Variants in FHIT observed in about 807,000 individuals in gnomAD.
FHIT encodes the protein fragile histidine triad diadenosine triphosphatase, also known as bis(5'-adenosyl)-triphosphatase.
FHIT carries 19 observed loss-of-function variants against 17.9 expected under a neutral mutation model. The observed-to-expected ratio is 1.06, with a 90% CI of 0.74 to 1.56. FHIT has a LOEUF of 1.56. FHIT is among the 40% of genes most tolerant of loss of function. FHIT has a pLI of 0.00. For missense variants in FHIT, 248 were observed against 189.2 expected (o/e 1.31, Z -1.82); for synonymous variants, 81 against 69.7 (o/e 1.16, Z -0.81).
At chr3:59,954,881 A>G (rs1335387560) in intron 7 of FHIT, among the ~76,000 whole-genome samples, 1 of 152,232 alleles carries the variant, frequency 6.6e-6, no homozygotes, top group Non-Finnish European at 1.5e-5. Context: ...ATGAGAACTC[A>G]GAACTGTTCC....
chr3:60,950,758 A>G (rs887822787), intron 3 of FHIT, among the ~76,000 whole-genome samples: 11 of 151,660 alleles, frequency 7.3e-5, no homozygotes, highest in African/African-American at 2.7e-4. Context: ...CCTGACCTCA[A>G]GTGATCCACC....
intron 4 of FHIT, among the ~76,000 whole-genome samples, chr3:60,596,368 C>T (rs537209711): frequency 2.1e-4 from 32 of 152,250 alleles, no homozygotes; most frequent in Non-Finnish European, 3.5e-4. Flanking sequence ...TTGGCCTTGC[C>T]GACACTGCAC....
At chr3:60,264,824 C>T (rs781238452) in intron 5 of FHIT, among the ~76,000 whole-genome samples, 9 of 151,588 alleles carry the variant, frequency 5.9e-5, no homozygotes, top group Admixed American at 1.3e-4. Flanking sequence ...TGATGAAATG[C>T]GACTTTCACC....
At chr3:60,560,831 AC>A in intron 4 of FHIT, among the ~76,000 whole-genome samples, 1 of 136,532 alleles carries the variant, frequency 7.3e-6, no homozygotes, top group Non-Finnish European at 1.6e-5. Flanking sequence ...ACACACACAC[AC>A]ACACACACAC....
chr3:59,750,816 G>T (rs1002027574), intron 9 of FHIT: 4 of 208,326 alleles, frequency 1.9e-5, no homozygotes, highest in African/African-American at 6.8e-5. Context: ...ACATTTCAAG[G>T]TGAAATCAGA....
intron 5 of FHIT, among the ~76,000 whole-genome samples, chr3:60,531,755 A>C (rs2035795511): frequency 6.6e-6 from 1 of 152,244 alleles, no homozygotes; most frequent in African/African-American, 2.4e-5. Flanking sequence ...ACTGTTAAGT[A>C]ATGAAGCTAT....
chr3:60,569,746 T>TACAC (rs1559547661), intron 4 of FHIT, among the ~76,000 whole-genome samples: 201 of 81,634 alleles, frequency 2.5e-3, no homozygotes, highest in African/African-American at 8.3e-3. Context: ...TATATATATA[T>TACAC]ATATATATAT....
At chr3:60,501,038 T>C (rs1419270985) in intron 5 of FHIT, among the ~76,000 whole-genome samples, 1 of 147,076 alleles carries the variant, frequency 6.8e-6, no homozygotes, top group Non-Finnish European at 1.5e-5. Flanking sequence ...TAATAGCAAG[T>C]AACAGTCAAG....
At chr3:60,111,672 T>C (rs780754178) in intron 5 of FHIT, among the ~76,000 whole-genome samples, 1 of 152,212 alleles carries the variant, frequency 6.6e-6, no homozygotes, top group Admixed American at 6.5e-5. Flanking sequence ...GAACAGACTA[T>C]TGATTTACAA....
At chr3:59,922,774 T>C (rs778829600) in intron 7 of FHIT, among the ~76,000 whole-genome samples, 15 of 152,086 alleles carry the variant, frequency 9.9e-5, no homozygotes, top group Non-Finnish European at 1.5e-4. Context: ...GAAATAAGAA[T>C]TGGCTAACAG....
intron 4 of FHIT, among the ~76,000 whole-genome samples, chr3:60,570,812 T>G (rs965959622): frequency 9.4e-5 from 14 of 149,010 alleles, no homozygotes; most frequent in Non-Finnish European, 1.8e-4. Flanking sequence ...TTTGTTGGAC[T>G]GAACCAAAGC....
At chr3:60,098,876 G>A (rs1232405574) in intron 5 of FHIT, among the ~76,000 whole-genome samples, 1 of 152,140 alleles carries the variant, frequency 6.6e-6, no homozygotes, top group Non-Finnish European at 1.5e-5. Context: ...GTAGACTTTT[G>A]ACTGCCTGGG....
intron 1 of FHIT, among the ~76,000 whole-genome samples, chr3:61,220,066 T>TC (rs58675171): frequency 0.25 from 37,478 of 151,964 alleles, 5,149 homozygotes; most frequent in East Asian, 0.49. Context: ...CTTTAAGTCT[T>TC]TAACAATTAT....
At chr3:61,015,089 A>G (rs2032033631) in intron 3 of FHIT, among the ~76,000 whole-genome samples, 1 of 152,042 alleles carries the variant, frequency 6.6e-6, no homozygotes, top group Non-Finnish European at 1.5e-5. Flanking sequence ...CTTGGTGGTC[A>G]GCTGTCAGAG....
Position 61,014,806 on chromosome 3 carries a change from A to T in FHIT, c.-111+27241T>A, listed in dbSNP as rs376598820. On this transcript the variant is annotated intron_variant, in intron 3 of 9. Coordinates refer to ENST00000492590, the MANE Select transcript of FHIT (RefSeq NM_002012.4). ...AAAAAAAAAAAAAAAAAAAAAAAAA[A>T]AATATATATATATATATATGTATAC... Among the ~76,000 whole-genome samples the T allele has an allele frequency of 4.6e-5, 5 of 107,874 alleles. 1 individual carries two copies. The highest frequency in any genetic ancestry group is 1.7e-4 in the African/African-American group (5 of 29,692). The allele number at this position is 107,874 out of a possible 152,430, so 70.8% of individuals were successfully genotyped here.
intron 4 of FHIT, among the ~76,000 whole-genome samples, chr3:60,705,989 G>A (rs782007572): frequency 2.0e-5 from 3 of 152,178 alleles, no homozygotes; most frequent in East Asian, 1.9e-4. Context: ...CCATTGTCAT[G>A]GCATCTTTTA....
intron 5 of FHIT, among the ~76,000 whole-genome samples, chr3:60,447,740 C>T (rs2031441801): frequency 6.6e-6 from 1 of 152,144 alleles, no homozygotes; most frequent in Non-Finnish European, 1.5e-5. Context: ...GAATACCACT[C>T]CTGCAGCTGC....
At chr3:61,218,586 T>C (rs749500572) in intron 1 of FHIT, among the ~76,000 whole-genome samples, 1 of 152,046 alleles carries the variant, frequency 6.6e-6, no homozygotes, top group Non-Finnish European at 1.5e-5. Flanking sequence ...TGTATCAAGG[T>C]AATGGAGAAG....
Position 61,106,376 on chromosome 3 carries a change from T to C in FHIT, c.-163-64277A>G, listed in dbSNP as rs530626541. 6.6e-5 allele frequency among the ~76,000 whole-genome samples: 10 copies of C among 152,290 alleles called. No homozygotes were observed. In the East Asian group the frequency reaches 1.7e-3, roughly 26 times the overall value. On this transcript the variant is annotated intron_variant, in intron 2 of 9. Transcript: ENST00000492590. ...TACAATGCATTATTATTATTAACTG[T>C]AGTTACCATGCTATAAAATAGATCT...
Sources: allele counts gnomAD v4.1 joint callset (sites outside exome capture counted in the v4.1 genomes callset), GRCh38; gene constraint gnomAD v4.1.1; transcripts MANE v1.5; gene names NCBI Gene and HGNC (gene_info 2026-07-23, HGNC 2026-07-21).